RBFOX3: variants seen among roughly 807,000 people sequenced by gnomAD.
The protein encoded by RBFOX3 is RNA binding protein fox-1 homolog 3.
A neutral mutation model predicts 48.7 loss-of-function variants in RBFOX3; 17 were observed. The ratio of observed to expected loss-of-function variants is 0.35; its 90% CI spans 0.24 to 0.52. RBFOX3 has a LOEUF of 0.52. Ranked by LOEUF, RBFOX3 falls within the 20% of genes least tolerant of loss-of-function variation. The pLI is 0.94. For synonymous variants in RBFOX3, 212 were observed against 209.5 expected (o/e 1.01, Z -0.10); for missense variants, 382 against 497.5 (o/e 0.77, Z 2.21).
At chr17:79,294,946 C>A (rs546313637) in intron 3 of RBFOX3, among the ~76,000 whole-genome samples, 1 of 152,172 alleles carries the variant, frequency 6.6e-6, no homozygotes, top group African/African-American at 2.4e-5. Flanking sequence ...GGAAGAGATT[C>A]TCTTTTGGGG....
rs1966093 is a variant in RBFOX3, at chr17:79,477,545, A to G, written c.-175+4909T>C. 0.84 allele frequency among the ~76,000 whole-genome samples: 126,858 copies of G among 151,082 alleles called. 56,180 individuals carry two copies. The highest frequency in any genetic ancestry group is 0.97 in the Non-Finnish European group (66,055 of 67,878). The stretch of plus-strand genomic sequence containing the variant: ...CACTCCAGCCTGGGCGACAGAGCGA[A>G]ACTCCGTCACCGGAAAAAAAAAAAG... On this transcript the variant is annotated intron_variant, in intron 2 of 14. Coordinates refer to ENST00000693108, the MANE Select transcript of RBFOX3 (RefSeq NM_001350451.2). The surrounding 1 kb of genome is among the most constrained non-coding windows in gnomAD (Gnocchi z 4.8).
chr17:79,109,181 T>G (rs1245541823), intron 5 of RBFOX3, among the ~76,000 whole-genome samples: 1 of 152,190 alleles, frequency 6.6e-6, no homozygotes, highest in Admixed American at 6.5e-5. Flanking sequence ...GTCATGGCTC[T>G]CGGAGGGCAT....
At position 79,488,303 on chromosome 17, in the gene RBFOX3, A is replaced by G. The variant is rs576260094; in HGVS notation, c.-319-5705T>C. Among the ~76,000 whole-genome samples, 4 of 152,340 alleles carry G rather than the reference A, an allele frequency of 2.6e-5. No individual in the cohort carries two copies. The South Asian group carries it at 8.3e-4, about 32-fold the overall frequency. On this transcript the variant is annotated intron_variant, in intron 1 of 14. Coordinates refer to ENST00000693108, the MANE Select transcript of RBFOX3 (RefSeq NM_001350451.2). ...TTTATAGGATTTAAGATGAGGCATC[A>G]CAGAGAGGCAGAAGTGGCCGGTGAG...
intron 4 of RBFOX3, among the ~76,000 whole-genome samples, chr17:79,201,756 C>T (rs913322660): frequency 6.6e-6 from 1 of 152,216 alleles, no homozygotes; most frequent in Non-Finnish European, 1.5e-5. Flanking sequence ...CACAGCACCC[C>T]CTGCCTTCTC....
At chr17:79,478,835 T>C (rs1163397155) in intron 2 of RBFOX3, among the ~76,000 whole-genome samples, 3 of 152,220 alleles carry the variant, frequency 2.0e-5, no homozygotes, top group African/African-American at 7.2e-5. Context: ...GGACTTAGAA[T>C]TTACTATACA....
chr17:79,272,317 C>T (rs536065860), intron 3 of RBFOX3, among the ~76,000 whole-genome samples: 8 of 152,304 alleles, frequency 5.3e-5, no homozygotes, highest in Non-Finnish European at 1.2e-4. Flanking sequence ...AAGACCCAGG[C>T]CTCACTGTCT....
the RBFOX3 span, among the ~76,000 whole-genome samples, chr17:79,662,380 C>T: frequency 6.6e-6 from 1 of 151,954 alleles, no homozygotes; most frequent in African/African-American, 2.4e-5. Context: ...CCTCAGCCTC[C>T]CAAAGTGCTG....
At chr17:79,355,871 G>A (rs777972600) in intron 2 of RBFOX3, among the ~76,000 whole-genome samples, 15 of 152,186 alleles carry the variant, frequency 9.9e-5, no homozygotes, top group East Asian at 5.8e-4. Context: ...GTGAACCACC[G>A]TGCCTGGCCG....
At chr17:79,148,505 C>A (rs374325844) in intron 4 of RBFOX3, among the ~76,000 whole-genome samples, 35 of 152,294 alleles carry the variant, frequency 2.3e-4, no homozygotes, top group African/African-American at 7.2e-4. Context: ...CACACCCCCC[C>A]AGACCATGGT....
intron 2 of RBFOX3, among the ~76,000 whole-genome samples, chr17:79,398,326 C>T (rs1308744279): frequency 1.3e-5 from 2 of 152,160 alleles, no homozygotes; most frequent in Admixed American, 6.5e-5. Flanking sequence ...ATTTGCACCA[C>T]GGTTTCAGAA....
At chr17:79,379,618 C>T (rs919525447) in intron 2 of RBFOX3, among the ~76,000 whole-genome samples, 14 of 152,190 alleles carry the variant, frequency 9.2e-5, no homozygotes, top group Admixed American at 2.6e-4. Flanking sequence ...GAGACTCAGC[C>T]TCTCAGGGGC....
the RBFOX3 span, among the ~76,000 whole-genome samples, chr17:79,658,608 G>A: frequency 6.6e-6 from 1 of 152,024 alleles, no homozygotes; most frequent in Admixed American, 6.6e-5. Context: ...GCTCAGAACA[G>A]TGAAGCTGTC....
intron 2 of RBFOX3, among the ~76,000 whole-genome samples, chr17:79,419,216 C>T (rs1311682959): frequency 1.3e-5 from 2 of 152,238 alleles, no homozygotes; most frequent in Non-Finnish European, 2.9e-5. Context: ...GGGAATGGCT[C>T]ATCTGTCTCT....
intron 3 of RBFOX3, among the ~76,000 whole-genome samples, chr17:79,290,641 G>A (rs2073071430): frequency 6.6e-6 from 1 of 152,306 alleles, no homozygotes; most frequent in Admixed American, 6.5e-5. Context: ...AGGGCCTTCT[G>A]AGGTCAGGCC....
At chr17:79,532,591 C>G (rs925602341) in intron 1 of RBFOX3, among the ~76,000 whole-genome samples, 3 of 152,224 alleles carry the variant, frequency 2.0e-5, no homozygotes. Context: ...GAGGCCCACA[C>G]TCCAGGCTAG....
chr17:79,142,534 C>A (rs1345437491), intron 4 of RBFOX3, among the ~76,000 whole-genome samples: 2 of 152,120 alleles, frequency 1.3e-5, no homozygotes, highest in Non-Finnish European at 2.9e-5. Flanking sequence ...TCTGCCCCTA[C>A]TGGGGCTGCA....
At chr17:79,350,957 A>T (rs534514783) in intron 2 of RBFOX3, among the ~76,000 whole-genome samples, 1 of 151,512 alleles carries the variant, frequency 6.6e-6, no homozygotes, top group East Asian at 1.9e-4. Flanking sequence ...CCTCTAATCC[A>T]CTTTCTTTCT....
Position 79,340,647 on chromosome 17 carries a change from C to T in RBFOX3, c.-174-32823G>A, listed in dbSNP as rs1156837250. Among the ~76,000 whole-genome samples the T allele has an allele frequency of 3.9e-5, 6 of 152,032 alleles. No homozygotes were observed. In the South Asian group the frequency reaches 8.3e-4, roughly 21 times the overall value. On this transcript the variant is annotated intron_variant, in intron 2 of 14. Coordinates refer to ENST00000693108, the MANE Select transcript of RBFOX3 (RefSeq NM_001350451.2). ...TGTAATTATTGCCTGTTTCATGACA[C>T]GGGTCTGGCACTCAGAAACCTGGAG...
At chr17:79,642,033 C>T in the RBFOX3 span, among the ~76,000 whole-genome samples, 2 of 152,020 alleles carry the variant, frequency 1.3e-5, no homozygotes, top group Admixed American at 6.5e-5. Flanking sequence ...TAATGAGTTA[C>T]CCAGTCTCAG....
Sources: gnomAD v4.1 joint callset for allele counts (sites outside exome capture counted in the v4.1 genomes callset) on GRCh38, gnomAD v4.1.1 for gene constraint, Gnocchi (gnomAD v3.1) non-coding constraint, MANE v1.5 for transcripts, NCBI Gene and HGNC (gene_info 2026-07-23, HGNC 2026-07-21) for gene names.